FAN1: variants seen among roughly 807,000 people sequenced by gnomAD.
FAN1 encodes fanconi-associated nuclease 1.
In FAN1, 91 loss-of-function variants were observed where a neutral mutation model predicts 104.9. The ratio of observed to expected loss-of-function variants is 0.87; its 90% CI spans 0.73 to 1.03. FAN1 has a LOEUF of 1.03. Among genes scored for constraint, FAN1 ranks in the 50% least tolerant of loss-of-function variants. The probability of loss-of-function intolerance (pLI) is 0.00; values close to 1 mark genes in which losing one functional copy is unlikely to be tolerated. For synonymous variants in FAN1, 478 were observed against 457.6 expected, an observed-to-expected ratio of 1.04 and a Z score of -0.57; for missense variants, 1,263 against 1,239.9, an observed-to-expected ratio of 1.02 and a Z score of -0.28.
rs544975646 is a variant in FAN1 at position 30,928,951 on chromosome 15, G to A, written c.2593-252G>A. The A allele has an allele frequency of 2.1e-3, 689 of 327,288 alleles. 1 individual carries two copies. Among genetic ancestry groups the A allele is most frequent in the Non-Finnish European group, 2.7e-3 (609 of 228,362 alleles). 20.3% of individuals were successfully genotyped at this position (327,288 alleles called of 1,614,324 possible). On this transcript the variant is annotated intron_variant, in intron 11 of 14. Transcript: ENST00000362065. ...TGCCGTGTCGCAGGCACTGTGCCAA[G>A]GAGCTCACAGACATGGGCACATCTG...
chr15:30,933,559 G>T (rs890162733), intron 13 of FAN1, among the ~76,000 whole-genome samples: 13 of 152,176 alleles, frequency 8.5e-5, no homozygotes, highest in Admixed American at 8.5e-4. Flanking sequence ...ATTCCCTGGT[G>T]AATATTCTGT....
intron 13 of FAN1, among the ~76,000 whole-genome samples, chr15:30,931,933 C>T (rs2062720735): frequency 6.7e-6 from 1 of 148,370 alleles, no homozygotes; most frequent in South Asian, 2.1e-4. Flanking sequence ...AAAAAAAAAG[C>T]CAGCTGAGGC....
intron 14 of FAN1, chr15:30,939,091 G>GT: frequency 1.0e-6 from 1 of 985,442 alleles, no homozygotes; most frequent in Non-Finnish European, 1.2e-6. Context: ...GGGAAATCAA[G>GT]TTTTAACCAC....
intron 6 of FAN1, among the ~76,000 whole-genome samples, chr15:30,919,378 CAAAAA>C (rs34395788): frequency 5.3e-5 from 4 of 75,128 alleles, no homozygotes; most frequent in Admixed American, 1.6e-4. Flanking sequence ...AACTCCGTCT[CAAAAA>C]AAAAAAAAAA....
In FAN1 at chr15:30,937,138, C is replaced by T; in HGVS notation, c.2936C>T (p.Pro979Leu). The T allele has an allele frequency of 1.2e-6, 2 of 1,612,954 alleles. No individual in the cohort carries two copies. Among genetic ancestry groups the T allele is most frequent in the Non-Finnish European group, 1.7e-6 (2 of 1,179,686 alleles). ...RHFKLVEVKGPNDRLSHKQMI... is the reference protein window; with the variant it reads ...RHFKLVEVKGLNDRLSHKQMI... Reference sequence around the variant, plus strand: ...TTCCAGCTGGTGGAAGTTAAAGGCCCCAATGATCGTCTTTCACATAAGCAG... The same window carrying T: ...TTCCAGCTGGTGGAAGTTAAAGGCCTCAATGATCGTCTTTCACATAAGCAG... Residue 979 changes from proline (P) to leucine (L), a missense_variant, in exon 14 of 15, where the codon CCC becomes CTC. Physicochemically the swap from Pro to Leu is moderately conservative, Grantham distance 98. Coordinates refer to ENST00000362065, the MANE Select transcript of FAN1 (RefSeq NM_014967.5).
At chr15:30,927,095 T>G in intron 10 of FAN1, 1 of 944,224 alleles carries the variant, frequency 1.1e-6, no homozygotes, top group Non-Finnish European at 1.3e-6. Context: ...GAGGATCACT[T>G]GAACTCTGAA....
At chr15:30,922,090 C>T (rs1259597806) in intron 7 of FAN1, 145 bp from the exon 8 acceptor site, 3 of 1,020,522 alleles carry the variant, frequency 2.9e-6, no homozygotes, top group Non-Finnish European at 2.9e-6. Flanking sequence ...AGTCCCTGTC[C>T]TGTCAGTTCG....
Position 30,904,640 on chromosome 15 carries a change from GA to G in FAN1, c.-22del, listed in dbSNP as rs766716280. ...TAAATATCCTGTGTTTTATTGCTCA[GA>G]ACATCCAGTTTTTCTAATACTCATG... On this transcript the variant is annotated 5_prime_UTR_variant, in exon 2 of 15. An upstream open reading frame in the 5' UTR loses its in-frame stop. Transcript: ENST00000362065. 1.2e-5 allele frequency: 20 copies of G among 1,607,238 alleles called. No homozygotes were observed. The South Asian group carries it at 2.2e-4, about 18-fold the overall frequency.
chr15:30,919,517 C>T (rs1434465404), intron 6 of FAN1, among the ~76,000 whole-genome samples: 1 of 151,440 alleles, frequency 6.6e-6, no homozygotes, highest in Non-Finnish European at 1.5e-5. Flanking sequence ...ATGGTGAAAC[C>T]TCGTCTCTAC....
chr15:30,926,515 T>C (rs967249222), intron 10 of FAN1: 1 of 493,522 alleles, frequency 2.0e-6, no homozygotes, highest in Admixed American at 6.4e-5. Flanking sequence ...ACAAGTACTA[T>C]AGAAAGACAA....
At chr15:30,941,126 G>A in intron 14 of FAN1, 1 of 1,267,676 alleles carries the variant, frequency 7.9e-7, no homozygotes, top group Non-Finnish European at 1.0e-6. Context: ...CTTTCCTGTT[G>A]TCTGCTGCCT....
Position 30,918,203 on chromosome 15 carries a change from C to A in FAN1, c.1851C>A (p.Ser617=). The change falls in exon 6 of 15, where the codon TCC becomes TCA. Residue 617 remains serine (S), a synonymous_variant. Transcript: ENST00000362065. ...CGCACATGCTGAGTGACATTTCTTCCGCAATGGCCAATGGGAACTGGGAAG... is the reference window on the plus strand; with the variant it reads ...CGCACATGCTGAGTGACATTTCTTCAGCAATGGCCAATGGGAACTGGGAAG... The part of the protein sequence containing the change: ...AATHMLSDIS[S]AMANGNWEEA... 1 of 1,613,944 alleles carries A rather than the reference C, an allele frequency of 6.2e-7. No individual in the cohort carries two copies. The highest frequency in any genetic ancestry group is 8.5e-7 in the Non-Finnish European group (1 of 1,179,956).
chr15:30,941,052 C>T, intron 14 of FAN1: 1 of 1,190,256 alleles, frequency 8.4e-7, no homozygotes, highest in Non-Finnish European at 1.1e-6. Flanking sequence ...ATGAATACTT[C>T]CTAAAACCTG....
chr15:30,930,475 A>G lies in FAN1; in HGVS notation c.2788-68A>G. ...ACACTGAGCTTTTCTCCGTCTCGTG[A>G]TCCCTGGAGCCTATTTCCATTCTCT... is the stretch of plus-strand genomic sequence containing the variant. On this transcript the variant is annotated intron_variant, in intron 12 of 14. Transcript: ENST00000362065. 6.6e-6 allele frequency: 10 copies of G among 1,525,914 alleles called. No individual in the cohort carries two copies. In the Admixed American group the frequency reaches 1.1e-4, roughly 17 times the overall value. The allele number at this position is 1,525,914 out of a possible 1,614,324, so 94.5% of individuals were successfully genotyped here.
chr15:30,941,569 C>G lies in FAN1; in HGVS notation c.*7C>G, dbSNP rs752217083. 3 of 1,600,890 alleles carry G rather than the reference C, an allele frequency of 1.9e-6. No homozygotes were observed. The African/African-American group carries it at 4.0e-5, about 21-fold the overall frequency. On this transcript the variant is annotated 3_prime_UTR_variant, in exon 15 of 15. Coordinates refer to ENST00000362065, the MANE Select transcript of FAN1 (RefSeq NM_014967.5). ...CTAAAATGCTTCGTCTGCACAGATT[C>G]CCTACAGGAGAAAATGGAAATGAGG...
intron 5 of FAN1, among the ~76,000 whole-genome samples, chr15:30,915,281 G>T (rs918972542): frequency 5.3e-5 from 8 of 152,218 alleles, no homozygotes; most frequent in Admixed American, 1.3e-4. Flanking sequence ...GAGTAGAATA[G>T]TGGTTACCAG....
Position 30,910,649 on chromosome 15 carries a change from C to T in FAN1, c.1411C>T (p.Leu471Phe). The change falls in exon 4 of 15, where the codon CTC becomes TTC. Residue 471 changes from leucine (L) to phenylalanine (F), a missense_variant. Physicochemically the swap from Leu to Phe is conservative, Grantham distance 22 (BLOSUM62 0). Coordinates refer to ENST00000362065, the MANE Select transcript of FAN1 (RefSeq NM_014967.5). ...ELQELSEVLE[L>F]LSAPELKSLA... ...GCAAGAACTCTCTGAAGTGCTTGAA[C>T]TCCTTTCTGCTCCTGAACTAAAATC... 2 of 1,612,380 alleles carry T rather than the reference C, an allele frequency of 1.2e-6. No individual in the cohort carries two copies. The highest frequency in any genetic ancestry group is 1.3e-5 in the African/African-American group (1 of 74,918).
intron 13 of FAN1, among the ~76,000 whole-genome samples, chr15:30,932,477 G>A (rs2062738421): frequency 6.6e-6 from 1 of 152,056 alleles, no homozygotes; most frequent in Non-Finnish European, 1.5e-5. Flanking sequence ...TGGAATAGTT[G>A]GTGTAGAATT....
At chr15:30,938,057 G>A (rs1188316621) in intron 14 of FAN1, among the ~76,000 whole-genome samples, 1 of 151,886 alleles carries the variant, frequency 6.6e-6, no homozygotes, top group Non-Finnish European at 1.5e-5. Flanking sequence ...GGTGGCACAC[G>A]CCTGTGGTCC....
Sources: allele counts gnomAD v4.1 joint callset (sites outside exome capture counted in the v4.1 genomes callset), GRCh38; gene constraint gnomAD v4.1.1; transcripts MANE v1.5; gene names NCBI Gene and HGNC (gene_info 2026-07-23, HGNC 2026-07-21).